Variants in ADCY3 observed in about 807,000 individuals in gnomAD.
ADCY3 encodes adenylate cyclase type 3.
Under a neutral mutation model 119.4 loss-of-function variants are expected in ADCY3, and 70 were observed. The observed-to-expected ratio is 0.59, with a 90% CI of 0.48 to 0.72. ADCY3 has a LOEUF of 0.72. Ranked by LOEUF, ADCY3 falls within the 30% of genes least tolerant of loss-of-function variation. The pLI is 0.00. For missense variants in ADCY3, 1,238 were observed against 1,541.6 expected (o/e 0.80, Z 3.30); for synonymous variants, 672 against 621.4 (o/e 1.08, Z -1.21).
chr2:24,906,032 G>C (rs940471350), intron 2 of ADCY3, among the ~76,000 whole-genome samples: 2 of 152,090 alleles, frequency 1.3e-5, no homozygotes, highest in African/African-American at 4.8e-5. Context: ...CAATGGAAGG[G>C]ATAGGAAATG....
chr2:24,894,774 C>T (rs964086828), intron 2 of ADCY3, among the ~76,000 whole-genome samples: 2 of 151,876 alleles, frequency 1.3e-5, no homozygotes. Context: ...CTTGCCTCAA[C>T]ATTTTTTGTA....
At chr2:24,904,480 C>T (rs1169689220) in intron 2 of ADCY3, among the ~76,000 whole-genome samples, 1 of 151,866 alleles carries the variant, frequency 6.6e-6, no homozygotes, top group Non-Finnish European at 1.5e-5. Context: ...GAGATCGTGC[C>T]CCTGCACTCC....
rs772842095 is a variant in ADCY3, at chr2:24,842,250, G to A, written c.956+4C>T. The stretch of plus-strand genomic sequence containing the variant: ...ATCAGAGCCCGCGCCCCGGGCCGGC[G>A]TACCTGACGTTCTCGTGACGGTACA... On this transcript the variant is annotated splice_donor_region_variant and intron_variant, in intron 4 of 21. Transcript: ENST00000679454. The surrounding 1 kb of genome is among the most constrained non-coding windows in gnomAD (Gnocchi z 4.9). The A allele has an allele frequency of 1.7e-5, 27 of 1,613,874 alleles. No individual in the cohort carries two copies. The highest frequency in any genetic ancestry group is 2.2e-5 in the East Asian group (1 of 44,886).
chr2:24,868,289 C>T, intron 3 of ADCY3, among the ~76,000 whole-genome samples: 1 of 152,048 alleles, frequency 6.6e-6, no homozygotes. Context: ...CATATTAAAA[C>T]TTGTGAGATA....
intron 9 of ADCY3, among the ~76,000 whole-genome samples, 186 bp downstream of exon 9, chr2:24,836,728 TGAG>T (rs1670371571): frequency 6.6e-6 from 1 of 152,192 alleles, no homozygotes; most frequent in Non-Finnish European, 1.5e-5. Context: ...ATGTAACTGA[TGAG>T]GAGACAGTGG....
chr2:24,901,290 G>A (rs551253950), intron 2 of ADCY3, among the ~76,000 whole-genome samples: 10 of 152,234 alleles, frequency 6.6e-5, no homozygotes, highest in South Asian at 4.1e-4. Context: ...TCCAACTTTC[G>A]GAGTATTTTC....
intron 2 of ADCY3, among the ~76,000 whole-genome samples, chr2:24,916,680 CA>C (rs554513001): frequency 2.9e-4 from 42 of 143,654 alleles, no homozygotes; most frequent in Admixed American, 2.1e-4. Flanking sequence ...GACTCCGTCT[CA>C]AAAAAAAAAA....
In ADCY3 at chr2:24,898,332, C is replaced by T. The variant is rs573370936; in HGVS notation, c.675+19981G>A. On this transcript the variant is annotated intron_variant, in intron 2 of 21. Coordinates refer to ENST00000679454, the MANE Select transcript of ADCY3 (RefSeq NM_004036.5). This position sits in a 1 kb window ranked among gnomAD's most constrained non-coding sequence, Gnocchi z 4.3. ...ATCACCGTGGGGTGAGCCCCACCCT[C>T]GCACCGAGAAGAAAGGAAGGGAGTG... Among the ~76,000 whole-genome samples the T allele has an allele frequency of 7.2e-5, 11 of 151,928 alleles. No homozygotes were observed. Among genetic ancestry groups the T allele is most frequent in the African/African-American group, 2.2e-4 (9 of 41,368 alleles).
chr2:24,831,947 AGACAGG>A lies in ADCY3; in HGVS notation c.1968-204_1968-199del, dbSNP rs1256273243. On this transcript the variant is annotated intron_variant, in intron 11 of 21. Transcript: ENST00000679454. ...CAGCGGACAGTGGCCAGGGGACAGC[AGACAGG>A]GGCAGGGGCCAGGGGGCAGCGGACA... 1.1e-4 allele frequency among the ~76,000 whole-genome samples: 7 copies of A among 61,960 alleles called. No individual in the cohort carries two copies. In the East Asian group the frequency reaches 4.5e-3, roughly 40 times the overall value. The allele number at this position is 61,960 out of a possible 152,430, so 40.6% of individuals were successfully genotyped here.
chr2:24,898,703 G>A lies in ADCY3; in HGVS notation c.675+19610C>T, dbSNP rs548682143. Among the ~76,000 whole-genome samples the A allele has an allele frequency of 5.3e-4, 80 of 152,270 alleles. 1 individual carries two copies. The South Asian group carries it at 7.5e-3, about 14-fold the overall frequency. ...GGTCCCAGGAAACCGCACAGCTCCCGGCTCCAGGTCTCTGGGGAGACAACC... is the reference window on the plus strand; with the variant it reads ...GGTCCCAGGAAACCGCACAGCTCCCAGCTCCAGGTCTCTGGGGAGACAACC... On this transcript the variant is annotated intron_variant, in intron 2 of 21. Transcript: ENST00000679454. The surrounding 1 kb of genome is among the most constrained non-coding windows in gnomAD (Gnocchi z 4.3).
At position 24,819,740 on chromosome 2, in the gene ADCY3, A is replaced by C; in HGVS notation, c.*192T>G. On this transcript the variant is annotated 3_prime_UTR_variant, in exon 22 of 22. Transcript: ENST00000679454. ...TATGCCTAAGACCCCTATGCTGGGG[A>C]CACTACAGGCACACACAGGAATAGC... 1 of 610,252 alleles carries C rather than the reference A, an allele frequency of 1.6e-6. No homozygotes were observed. Among genetic ancestry groups the C allele is most frequent in the East Asian group, 3.0e-5 (1 of 33,478 alleles). 37.8% of individuals were successfully genotyped at this position (610,252 alleles called of 1,614,324 possible).
chr2:24,888,195 A>T (rs1160316965), intron 2 of ADCY3, among the ~76,000 whole-genome samples: 1 of 152,228 alleles, frequency 6.6e-6, no homozygotes, highest in East Asian at 1.9e-4. Context: ...ACAGCTCTCA[A>T]GTAAGTTCCC....
intron 3 of ADCY3, among the ~76,000 whole-genome samples, chr2:24,864,486 G>A (rs1674050121): frequency 6.6e-6 from 1 of 152,124 alleles, no homozygotes; most frequent in Non-Finnish European, 1.5e-5. Flanking sequence ...ACACCCAAAT[G>A]TCCAAATGAA....
chr2:24,860,610 GCT>G (rs1673514658), intron 3 of ADCY3, among the ~76,000 whole-genome samples: 1 of 152,222 alleles, frequency 6.6e-6, no homozygotes, highest in African/African-American at 2.4e-5. Context: ...TTACCCAAAT[GCT>G]CTGTTGCCTC....
In ADCY3 at chr2:24,834,422, C is replaced by CGGGGGGG; in HGVS notation, c.1967+62_1967+63insCCCCCCC. ...AGGCTCCCGCTGAGACACCTGCCCC[C>CGGGGGGG]GCCCCCCGCCCGGCACCACCGCAGC... On this transcript the variant is annotated intron_variant, in intron 11 of 21. Transcript: ENST00000679454. This position sits in a 1 kb window ranked among gnomAD's most constrained non-coding sequence, Gnocchi z 4.2. The CGGGGGGG allele has an allele frequency of 1.0e-6, 1 of 1,001,776 alleles. No individual in the cohort carries two copies. The highest frequency in any genetic ancestry group is 1.4e-6 in the Non-Finnish European group (1 of 694,632). 62.1% of individuals were successfully genotyped at this position (1,001,776 alleles called of 1,614,324 possible). A position where few individuals can be genotyped will look rare whatever the true frequency, so the allele number is the denominator to read the frequency against.
intron 2 of ADCY3, among the ~76,000 whole-genome samples, chr2:24,879,214 TG>T (rs1443671251): frequency 2.6e-5 from 4 of 152,082 alleles, no homozygotes; most frequent in Non-Finnish European, 4.4e-5. Context: ...GGCTCATGCC[TG>T]TAATCCCAGC....
intron 2 of ADCY3, among the ~76,000 whole-genome samples, chr2:24,900,517 G>A (rs559296391): frequency 4.9e-4 from 75 of 152,188 alleles, no homozygotes; most frequent in African/African-American, 1.5e-3. Flanking sequence ...CCCGCAGCTA[G>A]GCAGGATGGA....
chr2:24,879,947 T>G (rs1482593812), intron 2 of ADCY3, among the ~76,000 whole-genome samples: 1 of 152,218 alleles, frequency 6.6e-6, no homozygotes, highest in African/African-American at 2.4e-5. Flanking sequence ...GACTCTCCCA[T>G]GCTGCCTTGG....
chr2:24,912,809 T>C (rs1663947434), intron 2 of ADCY3, among the ~76,000 whole-genome samples: 1 of 152,140 alleles, frequency 6.6e-6, no homozygotes. Context: ...CTAAATTGCA[T>C]ATGCATGATG....
Sources: gnomAD v4.1 joint callset for allele counts (sites outside exome capture counted in the v4.1 genomes callset) on GRCh38, gnomAD v4.1.1 for gene constraint, Gnocchi (gnomAD v3.1) non-coding constraint, MANE v1.5 for transcripts, NCBI Gene and HGNC (gene_info 2026-07-23, HGNC 2026-07-21) for gene names.